Variants in SYT14 observed in about 807,000 individuals in gnomAD.
SYT14 encodes the protein synaptotagmin-14.
In SYT14, 32 loss-of-function variants were observed where a neutral mutation model predicts 74.2. That is an observed-to-expected ratio of 0.43 (90% CI 0.33 to 0.58). SYT14 has a LOEUF of 0.58. Ranked by LOEUF, SYT14 falls within the 20% of genes least tolerant of loss-of-function variation. The probability of loss-of-function intolerance (pLI) is 0.05; values close to 1 mark genes in which losing one functional copy is unlikely to be tolerated. For missense variants in SYT14, 791 were observed against 981.8 expected, an observed-to-expected ratio of 0.81 and a Z score of 2.60; for synonymous variants, 298 against 337.7, an observed-to-expected ratio of 0.88 and a Z score of 1.29.
At chr1:210,076,202 G>A (rs889666506) in intron 5 of SYT14, among the ~76,000 whole-genome samples, 1 of 152,036 alleles carries the variant, frequency 6.6e-6, no homozygotes, top group Admixed American at 6.6e-5. Flanking sequence ...ATAATTTTGG[G>A]TCATGATTAA....
chr1:210,004,727 G>A (rs1235113053), intron 2 of SYT14, among the ~76,000 whole-genome samples: 2 of 152,062 alleles, frequency 1.3e-5, no homozygotes, highest in African/African-American at 2.4e-5. Context: ...CCAAAACTGC[G>A]ATGCTTGTTC....
intron 1 of SYT14, among the ~76,000 whole-genome samples, chr1:209,949,124 C>A (rs1194671618): frequency 6.6e-6 from 1 of 152,178 alleles, no homozygotes; most frequent in Admixed American, 6.5e-5. Context: ...ACAAAATAGA[C>A]ATAAAATTTG....
intron 5 of SYT14, among the ~76,000 whole-genome samples, chr1:210,051,274 G>A (rs765610630): frequency 1.1e-4 from 16 of 152,248 alleles, no homozygotes; most frequent in East Asian, 9.6e-4. Context: ...GTTGCGTAAT[G>A]TTTGTCCTCA....
chr1:210,050,035 C>A (rs554746745), intron 5 of SYT14, among the ~76,000 whole-genome samples: 1 of 152,322 alleles, frequency 6.6e-6, no homozygotes, highest in East Asian at 1.9e-4. Flanking sequence ...ATGCAAATTT[C>A]TACAGCTGGT....
At chr1:210,030,352 C>T (rs541749085) in intron 5 of SYT14, among the ~76,000 whole-genome samples, 2 of 152,128 alleles carry the variant, frequency 1.3e-5, no homozygotes, top group South Asian at 2.1e-4. Flanking sequence ...TGGGGTTTCA[C>T]CTTGTTGGCC....
At chr1:210,007,484 G>T (rs2102900330) in intron 2 of SYT14, among the ~76,000 whole-genome samples, 1 of 151,662 alleles carries the variant, frequency 6.6e-6, no homozygotes, top group South Asian at 2.1e-4. Context: ...CACATATTTT[G>T]GTTTTTAAAC....
intron 7 of SYT14, among the ~76,000 whole-genome samples, chr1:210,144,053 TCAA>T (rs2082979065): frequency 1.3e-5 from 2 of 152,244 alleles, no homozygotes; most frequent in South Asian, 4.1e-4. Flanking sequence ...ATTCATAAAC[TCAA>T]CTGTCTTACT....
At chr1:210,100,057 G>A (rs2082034936) in exon 7 of SYT14, 1 of 1,613,888 alleles carries the variant, frequency 6.2e-7, no homozygotes, top group African/African-American at 1.3e-5. Flanking sequence ...TAAACCTTTT[G>A]ATCCTGAGCC....
intron 9 of SYT14, among the ~76,000 whole-genome samples, chr1:210,160,493 A>T (rs1321102409): frequency 6.6e-6 from 1 of 152,154 alleles, no homozygotes; most frequent in Non-Finnish European, 1.5e-5. Flanking sequence ...TATTACATAG[A>T]AATAGTAAGG....
intron 2 of SYT14, among the ~76,000 whole-genome samples, chr1:209,986,337 G>T (rs1342473432): frequency 1.3e-5 from 2 of 152,130 alleles, no homozygotes; most frequent in Admixed American, 6.5e-5. Flanking sequence ...TGGGCGCGGT[G>T]GCTCATGCCT....
intron 5 of SYT14, among the ~76,000 whole-genome samples, chr1:210,041,064 A>G (rs2080779103): frequency 6.6e-6 from 1 of 152,154 alleles, no homozygotes; most frequent in Non-Finnish European, 1.5e-5. Context: ...GGAGCTACAC[A>G]AAGGAAATGT....
intron 2 of SYT14, among the ~76,000 whole-genome samples, chr1:210,012,286 A>G (rs1032381824): frequency 1.3e-5 from 2 of 152,088 alleles, no homozygotes; most frequent in Non-Finnish European, 2.9e-5. Context: ...TTCTTACACT[A>G]TATTGTCTTT....
chr1:210,150,856 T>G (rs920461943), intron 7 of SYT14, among the ~76,000 whole-genome samples: 1 of 152,208 alleles, frequency 6.6e-6, no homozygotes, highest in Non-Finnish European at 1.5e-5. Context: ...AAAAGCCCAG[T>G]ATGTTAATAG....
At chr1:210,103,680 A>G (rs1443224827) in intron 7 of SYT14, among the ~76,000 whole-genome samples, 1 of 152,190 alleles carries the variant, frequency 6.6e-6, no homozygotes, top group African/African-American at 2.4e-5. Context: ...AGCCCTGTAA[A>G]CTAAGTAAAT....
At chr1:210,075,177 C>A (rs569524316) in intron 5 of SYT14, among the ~76,000 whole-genome samples, 1 of 152,064 alleles carries the variant, frequency 6.6e-6, no homozygotes, top group Non-Finnish European at 1.5e-5. Context: ...TCCAGCCAGT[C>A]GATGGCCTGT....
chr1:210,104,122 T>G (rs1045036751), intron 7 of SYT14, among the ~76,000 whole-genome samples: 1 of 152,168 alleles, frequency 6.6e-6, no homozygotes, highest in Non-Finnish European at 1.5e-5. Flanking sequence ...AGGTATCTGG[T>G]GTTCAGAGGC....
chr1:210,044,634 A>T (rs1325686972), intron 5 of SYT14, among the ~76,000 whole-genome samples: 1 of 152,230 alleles, frequency 6.6e-6, no homozygotes, highest in East Asian at 1.9e-4. Flanking sequence ...TCCAAGAATA[A>T]AAGTATCTCT....
intron 5 of SYT14, among the ~76,000 whole-genome samples, chr1:210,058,074 T>C (rs1303224183): frequency 1.3e-5 from 2 of 152,332 alleles, no homozygotes; most frequent in East Asian, 3.9e-4. Context: ...GGGACTTTTC[T>C]TGAGGGTTTT....
intron 7 of SYT14, among the ~76,000 whole-genome samples, chr1:210,113,973 A>G (rs1424262655): frequency 3.3e-5 from 5 of 151,376 alleles, no homozygotes; most frequent in Non-Finnish European, 7.3e-5. Flanking sequence ...TAGCCTCCAC[A>G]TTGATTAAGA....
Sources: gnomAD v4.1 joint callset for allele counts (sites outside exome capture counted in the v4.1 genomes callset) on GRCh38, gnomAD v4.1.1 for gene constraint, MANE v1.5 for transcripts, NCBI Gene and HGNC (gene_info 2026-07-23, HGNC 2026-07-21) for gene names.